Variants in AUTS2 observed in about 807,000 individuals in gnomAD.
AUTS2 encodes the protein activator of transcription and developmental regulator AUTS2.
AUTS2 carries 17 observed loss-of-function variants against 112.4 expected under a neutral mutation model. The ratio of observed to expected loss-of-function variants is 0.15; its 90% CI spans 0.10 to 0.23. AUTS2 has a LOEUF of 0.23. Among genes scored for constraint, AUTS2 ranks in the 10% least tolerant of loss-of-function variants. The pLI is 1.00. For missense variants in AUTS2, 1,510 were observed against 1,701.6 expected (o/e 0.89, Z 1.98); for synonymous variants, 751 against 702.7 (o/e 1.07, Z -1.09).
chr7:70,620,333 A>G (rs1804605190), intron 5 of AUTS2, among the ~76,000 whole-genome samples: 1 of 152,206 alleles, frequency 6.6e-6, no homozygotes, highest in South Asian at 2.1e-4. Flanking sequence ...GAACCTGAGC[A>G]CACAGCTCCT....
chr7:70,386,852 C>T (rs749942849), intron 4 of AUTS2, among the ~76,000 whole-genome samples: 2 of 152,110 alleles, frequency 1.3e-5, no homozygotes, highest in Non-Finnish European at 2.9e-5. Flanking sequence ...AGTCACCTCC[C>T]GACTTTTCTG....
intron 4 of AUTS2, among the ~76,000 whole-genome samples, chr7:70,329,903 T>C (rs548234530): frequency 7.7e-4 from 117 of 152,004 alleles, no homozygotes; most frequent in African/African-American, 2.7e-3. Context: ...TGCTGTTGGG[T>C]GTGGGGTGCT....
At chr7:70,620,559 C>T (rs1389076609) in intron 5 of AUTS2, among the ~76,000 whole-genome samples, 1 of 152,144 alleles carries the variant, frequency 6.6e-6, no homozygotes, top group Non-Finnish European at 1.5e-5. Context: ...GTTGTAAAAC[C>T]ACAGGCCTGA....
chr7:69,770,454 C>A (rs1027785019), intron 1 of AUTS2, among the ~76,000 whole-genome samples: 7 of 152,138 alleles, frequency 4.6e-5, no homozygotes, highest in Non-Finnish European at 1.5e-5. Flanking sequence ...GGAGGCGCCG[C>A]AGTGGGAGCA....
intron 4 of AUTS2, among the ~76,000 whole-genome samples, chr7:70,230,027 C>T (rs969571869): frequency 6.6e-6 from 1 of 152,068 alleles, no homozygotes; most frequent in Admixed American, 6.5e-5. Flanking sequence ...TTTATAACAG[C>T]TGATTTGAAG....
At chr7:70,741,420 G>A (rs906600553) in intron 6 of AUTS2, among the ~76,000 whole-genome samples, 5 of 152,032 alleles carry the variant, frequency 3.3e-5, no homozygotes, top group Admixed American at 6.5e-5. Context: ...GGCCGGGCGC[G>A]GTGGCTTACG....
intron 5 of AUTS2, among the ~76,000 whole-genome samples, chr7:70,442,699 G>A (rs1469283904): frequency 6.6e-6 from 1 of 152,080 alleles, no homozygotes. Flanking sequence ...TGTTGGCCAG[G>A]CTGATCTTGA....
intron 1 of AUTS2, among the ~76,000 whole-genome samples, chr7:69,718,928 A>G (rs1045478352): frequency 2.0e-5 from 3 of 152,142 alleles, no homozygotes; most frequent in Non-Finnish European, 2.9e-5. Context: ...CTTCATTGTG[A>G]CAAAACCCCA....
chr7:70,639,409 A>G (rs1295763063), intron 5 of AUTS2, among the ~76,000 whole-genome samples: 3 of 151,722 alleles, frequency 2.0e-5, no homozygotes, highest in African/African-American at 7.3e-5. Context: ...TGGGCCCAGG[A>G]GTTTGAGACC....
chr7:70,304,461 G>A (rs1789393522), intron 4 of AUTS2, among the ~76,000 whole-genome samples: 1 of 152,184 alleles, frequency 6.6e-6, no homozygotes, highest in South Asian at 2.1e-4. Flanking sequence ...GGAGGCCGTG[G>A]CAGTGTCGGC....
intron 1 of AUTS2, among the ~76,000 whole-genome samples, chr7:69,754,446 G>T (rs1348196678): frequency 4.6e-5 from 7 of 152,142 alleles, no homozygotes; most frequent in Non-Finnish European, 1.0e-4. Flanking sequence ...TAACTCTGTT[G>T]GAATAGGGAT....
chr7:70,328,490 G>A (rs1033566334), intron 4 of AUTS2, among the ~76,000 whole-genome samples: 1 of 152,080 alleles, frequency 6.6e-6, no homozygotes, highest in African/African-American at 2.4e-5. Flanking sequence ...CCAAAATGCT[G>A]AGAGTGCAGG....
intron 1 of AUTS2, 112 bp downstream of exon 1, chr7:69,600,074 C>A: frequency 6.7e-6 from 8 of 1,195,678 alleles, no homozygotes. Flanking sequence ...GTCTGTCTGT[C>A]TGTCTGTCTG....
intron 1 of AUTS2, among the ~76,000 whole-genome samples, chr7:69,818,998 C>G (rs1392326670): frequency 6.6e-6 from 1 of 152,156 alleles, no homozygotes; most frequent in Admixed American, 6.5e-5. Flanking sequence ...CCTTTGTTTT[C>G]TTTGGAACAA....
chr7:70,696,838 A>G (rs1809138871), intron 5 of AUTS2, among the ~76,000 whole-genome samples: 1 of 152,204 alleles, frequency 6.6e-6, no homozygotes, highest in African/African-American at 2.4e-5. Context: ...TTCAAAGGTT[A>G]TGTCAGTTTG....
chr7:70,231,133 T>C (rs938400677), intron 4 of AUTS2, among the ~76,000 whole-genome samples: 1 of 152,248 alleles, frequency 6.6e-6, no homozygotes, highest in African/African-American at 2.4e-5. Context: ...AATTTTGTTC[T>C]GTTTCATTGT....
intron 1 of AUTS2, among the ~76,000 whole-genome samples, chr7:69,614,314 C>CTCTTTCTTTCTTTCTTTCTTTT: frequency 1.2e-5 from 1 of 83,412 alleles, no homozygotes. Context: ...CACTCTCCGT[C>CTCTTTCTTTCTTTCTTTCTTTT]TCTTTCTTTC....
At chr7:70,457,255 G>A (rs57762223) in intron 5 of AUTS2, among the ~76,000 whole-genome samples, 11,723 of 152,172 alleles carry the variant, frequency 0.077, 578 homozygotes, top group East Asian at 0.14. Flanking sequence ...ACCTGTAAAC[G>A]GGGCTCACTT....
intron 5 of AUTS2, among the ~76,000 whole-genome samples, chr7:70,494,711 G>A (rs1006712783): frequency 2.0e-5 from 3 of 152,092 alleles, no homozygotes; most frequent in African/African-American, 7.2e-5. Context: ...TGCTTAGCAG[G>A]AACTTCACTA....
Sources: gnomAD v4.1 joint callset for allele counts (sites outside exome capture counted in the v4.1 genomes callset) on GRCh38, gnomAD v4.1.1 for gene constraint, MANE v1.5 for transcripts, NCBI Gene and HGNC (gene_info 2026-07-23, HGNC 2026-07-21) for gene names.